The following SHC3 variants were observed in gnomAD, a reference collection of about 807,000 sequenced individuals.
SHC3 encodes SHC adaptor protein 3.
SHC3 carries 15 observed loss-of-function variants against 60.4 expected under a neutral mutation model. The observed-to-expected ratio is 0.25, with a 90% CI of 0.17 to 0.38. The LOEUF is 0.38. Among genes scored for constraint, SHC3 ranks in the 10% least tolerant of loss-of-function variants. The probability of loss-of-function intolerance (pLI) is 1.00; values close to 1 mark genes in which losing one functional copy is unlikely to be tolerated. For missense variants in SHC3, 677 were observed against 786.1 expected (o/e 0.86, Z 1.66); for synonymous variants, 294 against 325.9 (o/e 0.90, Z 1.05).
chr9:89,114,435 G>GAA (rs201334096), intron 1 of SHC3, among the ~76,000 whole-genome samples: 3 of 147,522 alleles, frequency 2.0e-5, no homozygotes, highest in African/African-American at 7.5e-5. Context: ...ATTGAAAATA[G>GAA]AAAAAAAAAC....
chr9:89,145,787 G>T (rs1474997833), intron 1 of SHC3, among the ~76,000 whole-genome samples: 1 of 151,996 alleles, frequency 6.6e-6, no homozygotes, highest in Non-Finnish European at 1.5e-5. Flanking sequence ...CGGGAATAGG[G>T]GATTAGTATT....
At chr9:89,107,003 G>A (rs898965533) in intron 2 of SHC3, among the ~76,000 whole-genome samples, 2 of 152,124 alleles carry the variant, frequency 1.3e-5, no homozygotes, top group Admixed American at 6.5e-5. Flanking sequence ...AGCCTAATGG[G>A]TTCAGACTGT....
At chr9:89,046,612 A>G (rs886562715) in intron 8 of SHC3, among the ~76,000 whole-genome samples, 8 of 152,290 alleles carry the variant, frequency 5.3e-5, no homozygotes, top group African/African-American at 1.9e-4. Context: ...CCCCAGACTC[A>G]TATCCCAGGA....
intron 2 of SHC3, among the ~76,000 whole-genome samples, chr9:89,102,900 T>G (rs1012425277): frequency 3.9e-5 from 6 of 152,292 alleles, no homozygotes; most frequent in Admixed American, 2.6e-4. Context: ...AATCAAAGTC[T>G]CCAGATGAAT....
chr9:89,092,187 C>G lies in SHC3; in HGVS notation c.546-14284G>C, dbSNP rs1825631035. On this transcript the variant is annotated intron_variant, in intron 2 of 11. Coordinates refer to ENST00000375835, the MANE Select transcript of SHC3 (RefSeq NM_016848.6). ...TTCAGGAGTCATCTGCAGCGGCCCACCTGTTGGAGTGTGGTTCAGCACAGA... is the reference window on the plus strand; with the variant it reads ...TTCAGGAGTCATCTGCAGCGGCCCAGCTGTTGGAGTGTGGTTCAGCACAGA... 2.0e-5 allele frequency among the ~76,000 whole-genome samples: 3 copies of G among 152,174 alleles called. No individual in the cohort carries two copies. The South Asian group carries it at 6.2e-4, about 32-fold the overall frequency.
At chr9:89,080,705 G>A (rs1227209693) in intron 2 of SHC3, among the ~76,000 whole-genome samples, 1 of 147,064 alleles carries the variant, frequency 6.8e-6, no homozygotes, top group South Asian at 2.1e-4. Context: ...GTAATGAAAC[G>A]ATGAAAGTAG....
At chr9:89,053,297 T>C (rs1192688296) in intron 6 of SHC3, among the ~76,000 whole-genome samples, 1 of 152,180 alleles carries the variant, frequency 6.6e-6, no homozygotes. Flanking sequence ...GTGAGGAGGA[T>C]GCATTTCTTC....
At chr9:89,153,877 C>A (rs146585846) in intron 1 of SHC3, among the ~76,000 whole-genome samples, 1 of 152,202 alleles carries the variant, frequency 6.6e-6, no homozygotes, top group Non-Finnish European at 1.5e-5. Context: ...GCTCAGACTG[C>A]GGACCTTCAG....
chr9:89,098,547 G>A lies in SHC3; in HGVS notation c.545+14009C>T, dbSNP rs549900219. On this transcript the variant is annotated intron_variant, in intron 2 of 11. Transcript: ENST00000375835. ...AATTTAGGCTGGGCACATGGCTCAC[G>A]CCTGTAATCCCAGCACTTTGGGAAG... 2.8e-4 allele frequency among the ~76,000 whole-genome samples: 42 copies of A among 152,284 alleles called. No homozygotes were observed. In the South Asian group the frequency reaches 7.9e-3, roughly 29 times the overall value.
Position 89,112,552 on chromosome 9 carries a change from T to G in SHC3, c.545+4A>C. On this transcript the variant is annotated splice_donor_region_variant and intron_variant, in intron 2 of 11. Coordinates refer to ENST00000375835, the MANE Select transcript of SHC3 (RefSeq NM_016848.6). Reference sequence around the variant, plus strand: ...CACAGGAGTCCATTTTCAAGAGGGCTTACCTGGTAATTTGTGTTCTTGTAC... The same window carrying G: ...CACAGGAGTCCATTTTCAAGAGGGCGTACCTGGTAATTTGTGTTCTTGTAC... 6.2e-7 allele frequency: 1 copy of G among 1,608,616 alleles called. No individual in the cohort carries two copies. The highest frequency in any genetic ancestry group is 8.5e-7 in the Non-Finnish European group (1 of 1,177,922).
At chr9:89,164,489 G>C (rs1000740273) in intron 1 of SHC3, among the ~76,000 whole-genome samples, 6 of 152,020 alleles carry the variant, frequency 3.9e-5, no homozygotes, top group African/African-American at 1.4e-4. Flanking sequence ...GTATCGGGGG[G>C]TAGGGGCACA....
rs1210013410 is a variant in SHC3 at position 89,025,960 on chromosome 9, T to C, written c.1656+12033A>G. 3.3e-5 allele frequency among the ~76,000 whole-genome samples: 5 copies of C among 152,226 alleles called. No homozygotes were observed. The East Asian group carries it at 5.8e-4, about 18-fold the overall frequency. ...ACCTTTTTAAGTCTGATGAGAAACA[T>C]TGGCTGGGCACAGTGGCTCACGCCT... On this transcript the variant is annotated intron_variant, in intron 11 of 11. Transcript: ENST00000375835.
chr9:89,028,195 C>T (rs1826352631), intron 11 of SHC3, among the ~76,000 whole-genome samples: 2 of 152,160 alleles, frequency 1.3e-5, no homozygotes, highest in Non-Finnish European at 2.9e-5. Flanking sequence ...CCTCTGCCCA[C>T]ATCACCTCCA....
intron 6 of SHC3, among the ~76,000 whole-genome samples, chr9:89,054,411 C>A (rs1824914836): frequency 6.6e-6 from 1 of 152,318 alleles, no homozygotes; most frequent in East Asian, 1.9e-4. Flanking sequence ...CTGAGGATTC[C>A]TTCTATAAAA....
chr9:89,115,702 C>T (rs1027956822), intron 1 of SHC3, among the ~76,000 whole-genome samples: 5 of 152,170 alleles, frequency 3.3e-5, no homozygotes, highest in African/African-American at 1.2e-4. Flanking sequence ...CTACCACCAG[C>T]ATTGCAGAGT....
chr9:89,029,630 G>A (rs975880614), intron 11 of SHC3, among the ~76,000 whole-genome samples: 4 of 152,132 alleles, frequency 2.6e-5, no homozygotes, highest in Non-Finnish European at 4.4e-5. Context: ...CTGGGATGAT[G>A]AGTTTGCCCT....
intron 11 of SHC3, 67 bp downstream of exon 11, chr9:89,037,926 G>A (rs1353752288): frequency 1.4e-5 from 21 of 1,555,002 alleles, no homozygotes; most frequent in East Asian, 2.2e-5. Flanking sequence ...ATTTGACAAA[G>A]TGGAGACTGT....
Position 89,178,605 on chromosome 9 carries a change from G to T in SHC3, c.-145C>A. 1 of 641,112 alleles carries T rather than the reference G, an allele frequency of 1.6e-6. No individual in the cohort carries two copies. The highest frequency in any genetic ancestry group is 2.4e-6 in the Non-Finnish European group (1 of 419,788). 39.7% of individuals were successfully genotyped at this position (641,112 alleles called of 1,614,324 possible). ...GACAGCCTTCTGGAGAACGAGAGCA[G>T]AGCAAGAGGATGGTGCCCTCCCACC... On this transcript the variant is annotated 5_prime_UTR_variant, in exon 1 of 12. In the 5' UTR this introduces an upstream ATG that the reference lacks. Coordinates refer to ENST00000375835, the MANE Select transcript of SHC3 (RefSeq NM_016848.6). The surrounding 1 kb of genome is among the most constrained non-coding windows in gnomAD (Gnocchi z 6.9).
intron 6 of SHC3, among the ~76,000 whole-genome samples, chr9:89,052,516 G>A (rs1241639007): frequency 6.6e-6 from 1 of 152,132 alleles, no homozygotes; most frequent in Non-Finnish European, 1.5e-5. Context: ...ACTTCAGCAC[G>A]ACAAAGAGCC....
Sources: gnomAD v4.1 joint callset for allele counts (sites outside exome capture counted in the v4.1 genomes callset) on GRCh38, gnomAD v4.1.1 for gene constraint, Gnocchi (gnomAD v3.1) non-coding constraint, MANE v1.5 for transcripts, NCBI Gene and HGNC (gene_info 2026-07-23, HGNC 2026-07-21) for gene names.